ARHGAP21: variants seen among roughly 807,000 people sequenced by gnomAD.
The protein encoded by ARHGAP21 is rho GTPase-activating protein 21.
In ARHGAP21, 38 loss-of-function variants were observed where a neutral mutation model predicts 164.6. The observed-to-expected ratio is 0.23, with a 90% CI of 0.18 to 0.30. The LOEUF is 0.30. ARHGAP21 is among the 10% of genes least tolerant of loss of function. The pLI, the probability that ARHGAP21 is intolerant of heterozygous loss-of-function variation, is 1.00. For synonymous variants in ARHGAP21, 766 were observed against 857.9 expected (o/e 0.89, Z 1.87); for missense variants, 1,822 against 2,370.7 (o/e 0.77, Z 4.81).
At chr10:24,609,506 G>A (rs1046528610) in intron 9 of ARHGAP21, among the ~76,000 whole-genome samples, 2 of 152,160 alleles carry the variant, frequency 1.3e-5, no homozygotes, top group African/African-American at 2.4e-5. Context: ...CAGTATTGTT[G>A]CATTCTTTAT....
At chr10:24,683,607 T>G (rs1323567752) in intron 2 of ARHGAP21, among the ~76,000 whole-genome samples, 1 of 152,062 alleles carries the variant, frequency 6.6e-6, no homozygotes. Flanking sequence ...TCCTCCCACC[T>G]CAGCCTAGGG....
intron 9 of ARHGAP21, among the ~76,000 whole-genome samples, chr10:24,613,943 AAG>A (rs996344284): frequency 1.3e-5 from 2 of 152,176 alleles, no homozygotes; most frequent in African/African-American, 4.8e-5. Flanking sequence ...CTGAACTCTT[AAG>A]ATCTGGGGGT....
intron 11 of ARHGAP21, 97 bp downstream of exon 11, chr10:24,607,402 A>G: frequency 9.9e-7 from 1 of 1,013,444 alleles, no homozygotes; most frequent in Non-Finnish European, 1.5e-6. Flanking sequence ...CAAAGTTAGA[A>G]AACATAAGAC....
intron 4 of ARHGAP21, chr10:24,648,693 T>C (rs1565093341): frequency 5.3e-6 from 3 of 564,230 alleles, no homozygotes; most frequent in Non-Finnish European, 6.7e-6. Context: ...GGCAGGAGAA[T>C]TGCTTGAACC....
chr10:24,652,179 G>A (rs1399692787), intron 4 of ARHGAP21, among the ~76,000 whole-genome samples: 2 of 116,190 alleles, frequency 1.7e-5, no homozygotes, highest in African/African-American at 3.3e-5. Context: ...TGGAACAGAA[G>A]CAAGTCTAGA....
intron 2 of ARHGAP21, among the ~76,000 whole-genome samples, chr10:24,682,115 T>TAA (rs996368243): frequency 1.4e-5 from 2 of 141,700 alleles, no homozygotes; most frequent in East Asian, 2.0e-4. Context: ...TTTAACTACC[T>TAA]AAAAAAAAAA....
At chr10:24,591,798 C>T in intron 22 of ARHGAP21, 89 bp downstream of exon 22, 3 of 1,596,526 alleles carry the variant, frequency 1.9e-6, no homozygotes, top group Non-Finnish European at 2.6e-6. Context: ...TACAACCAAC[C>T]TCTGTCTGAC....
chr10:24,710,176 G>A (rs1260290998), intron 2 of ARHGAP21, among the ~76,000 whole-genome samples: 3 of 152,074 alleles, frequency 2.0e-5, no homozygotes, highest in Non-Finnish European at 2.9e-5. Flanking sequence ...CAGCTAGGGA[G>A]AATATCCAGT....
chr10:24,640,518 G>A (rs1428003178), intron 4 of ARHGAP21, among the ~76,000 whole-genome samples: 2 of 151,974 alleles, frequency 1.3e-5, no homozygotes, highest in Non-Finnish European at 2.9e-5. Context: ...GTTGAAATGA[G>A]ACTATGCTCC....
intron 2 of ARHGAP21, among the ~76,000 whole-genome samples, chr10:24,679,392 G>C (rs1391496534): frequency 6.6e-6 from 1 of 152,058 alleles, no homozygotes; most frequent in East Asian, 1.9e-4. Context: ...CCATTCATGG[G>C]GCTCCATCCT....
chr10:24,597,679 C>T (rs2076643691), intron 15 of ARHGAP21, 96 bp from the exon 16 acceptor site: 1 of 1,508,978 alleles, frequency 6.6e-7, no homozygotes, highest in African/African-American at 1.4e-5. Context: ...AAAATATTAA[C>T]TGGAAAATTC....
At chr10:24,639,259 A>C (rs1836726540) in intron 4 of ARHGAP21, among the ~76,000 whole-genome samples, 1 of 152,188 alleles carries the variant, frequency 6.6e-6, no homozygotes, top group South Asian at 2.1e-4. Flanking sequence ...TTCAAGTTTA[A>C]TTGAGCATTC....
chr10:24,673,304 C>T (rs1036197953), intron 2 of ARHGAP21, among the ~76,000 whole-genome samples: 1 of 152,180 alleles, frequency 6.6e-6, no homozygotes, highest in African/African-American at 2.4e-5. Flanking sequence ...CAGTTATCAA[C>T]ACAGTACAGT....
At chr10:24,694,642 G>A (rs1376745795) in intron 2 of ARHGAP21, among the ~76,000 whole-genome samples, 2 of 152,184 alleles carry the variant, frequency 1.3e-5, no homozygotes, top group Non-Finnish European at 2.9e-5. Flanking sequence ...AAGCTTGTAG[G>A]TGGTGTCCTC....
intron 4 of ARHGAP21, among the ~76,000 whole-genome samples, chr10:24,638,405 G>T (rs1444735565): frequency 6.6e-6 from 1 of 152,150 alleles, no homozygotes; most frequent in Non-Finnish European, 1.5e-5. Context: ...CCGCAATTTT[G>T]CCAGAACTGG....
At chr10:24,677,544 C>T (rs1225122429) in intron 2 of ARHGAP21, among the ~76,000 whole-genome samples, 1 of 152,180 alleles carries the variant, frequency 6.6e-6, no homozygotes, top group East Asian at 1.9e-4. Flanking sequence ...TTGAAACTAA[C>T]TTATCATAAA....
intron 9 of ARHGAP21, among the ~76,000 whole-genome samples, chr10:24,615,856 C>T (rs1169921506): frequency 6.6e-6 from 1 of 152,154 alleles, no homozygotes; most frequent in Admixed American, 6.5e-5. Context: ...CTCTTTGCAA[C>T]CTCTGCTTCC....
intron 2 of ARHGAP21, among the ~76,000 whole-genome samples, chr10:24,700,536 T>C (rs539157622): frequency 1.3e-5 from 2 of 152,374 alleles, no homozygotes; most frequent in Non-Finnish European, 2.9e-5. Flanking sequence ...TTTCCATTTA[T>C]GTTAACAATG....
chr10:24,657,250 G>T (rs1390304360), intron 4 of ARHGAP21, among the ~76,000 whole-genome samples: 1 of 44,972 alleles, frequency 2.2e-5, no homozygotes, highest in Non-Finnish European at 4.1e-5. Context: ...AGGGAGGTGG[G>T]GGGGTCAGCC....
Sources: gnomAD v4.1 joint callset for allele counts (sites outside exome capture counted in the v4.1 genomes callset) on GRCh38, gnomAD v4.1.1 for gene constraint, MANE v1.5 for transcripts, NCBI Gene and HGNC (gene_info 2026-07-23, HGNC 2026-07-21) for gene names.